Variants in NTNG2 observed in about 807,000 individuals in gnomAD.
NTNG2 encodes netrin G2, also known as netrin-G2.
In NTNG2, 15 loss-of-function variants were observed where a neutral mutation model predicts 47.6. That is an observed-to-expected ratio of 0.32 (90% CI 0.21 to 0.49). NTNG2 has a LOEUF of 0.49. Among genes scored for constraint, NTNG2 ranks in the 20% least tolerant of loss-of-function variants. NTNG2 has a pLI of 0.99. For synonymous variants in NTNG2, 307 were observed against 324.6 expected (o/e 0.95, Z 0.58); for missense variants, 578 against 764.6 (o/e 0.76, Z 2.88).
Position 132,243,415 on chromosome 9 carries a change from G to A in NTNG2, c.*1304G>A, listed in dbSNP as rs987395872. 1 of 152,414 alleles carries A rather than the reference G, an allele frequency of 6.6e-6. No homozygotes were observed. The highest frequency in any genetic ancestry group is 1.9e-4 in the East Asian group (1 of 5,184). The allele number at this position is 152,414 out of a possible 1,614,324, so 9.4% of individuals were successfully genotyped here. ...AGGAAGGGGTGCTGGAGGGGACAGG[G>A]GCAGCTTGGGAGTGGTGAGGAAGCT... On this transcript the variant is annotated 3_prime_UTR_variant, in exon 8 of 8. Transcript: ENST00000393229.
At chr9:132,189,064 C>CTTTTTTTTTTTTTTTTTTTTTTTTTT (rs1179386814) in intron 2 of NTNG2, among the ~76,000 whole-genome samples, 1 of 61,756 alleles carries the variant, frequency 1.6e-5, no homozygotes, top group African/African-American at 8.6e-5. Context: ...GGCTTTAAGC[C>CTTTTTTTTTTTTTTTTTTTTTTTTTT]TTTCTTTTTT....
chr9:132,241,707 C>T (rs1841997192), intron 7 of NTNG2, among the ~76,000 whole-genome samples, 169 bp from the exon 8 acceptor site: 1 of 152,070 alleles, frequency 6.6e-6, no homozygotes, highest in Non-Finnish European at 1.5e-5. Context: ...CTCGCCCGGG[C>T]GCCGTCACCC....
At chr9:132,224,790 G>A (rs1171260947) in intron 3 of NTNG2, among the ~76,000 whole-genome samples, 1 of 152,124 alleles carries the variant, frequency 6.6e-6, no homozygotes. Context: ...AAAGAAGATG[G>A]TGTCTGCCAT....
At chr9:132,201,809 T>C (rs532625554) in intron 3 of NTNG2, among the ~76,000 whole-genome samples, 2 of 152,234 alleles carry the variant, frequency 1.3e-5, no homozygotes, top group African/African-American at 4.8e-5. Context: ...GGTTATTGAA[T>C]GGCTCAGATC....
rs1374323933 is a variant in NTNG2, at chr9:132,240,986, G to A, written c.1299G>A (p.Ala433=). The A allele has an allele frequency of 1.9e-6, 3 of 1,611,018 alleles. No homozygotes were observed. The highest frequency in any genetic ancestry group is 3.3e-5 in the Admixed American group (2 of 59,958). ...GCTTCTGCGAGTGCCGCGAGGGCGC[G>A]GCGGGCCCCAAGTGCGACGACTGCC... ...ETGFCECREG[A]AGPKCDDCLP... is the part of the protein sequence containing the mutation. The change falls in exon 7 of 8, where the codon GCG becomes GCA. Residue 433 remains alanine, a synonymous_variant. Coordinates refer to ENST00000393229, the MANE Select transcript of NTNG2 (RefSeq NM_032536.4).
chr9:132,206,561 G>A (rs1386140213), intron 3 of NTNG2, among the ~76,000 whole-genome samples: 1 of 152,204 alleles, frequency 6.6e-6, no homozygotes, highest in Non-Finnish European at 1.5e-5. Context: ...CAGCTACTCG[G>A]GAGGCTGAGG....
At chr9:132,238,161 C>T (rs919467044) in intron 5 of NTNG2, among the ~76,000 whole-genome samples, 2 of 152,076 alleles carry the variant, frequency 1.3e-5, no homozygotes, top group African/African-American at 4.8e-5. Context: ...TGGGTGAGTA[C>T]TGTGTCCCTT....
chr9:132,209,853 G>GA (rs1359821243), intron 3 of NTNG2, among the ~76,000 whole-genome samples: 4 of 151,226 alleles, frequency 2.6e-5, no homozygotes, highest in Non-Finnish European at 5.9e-5. Flanking sequence ...TGAAAGGCGG[G>GA]AGGCGCGGCA....
rs141080327 is a variant in NTNG2, at chr9:132,177,652, T to G, written c.213+10608T>G. On this transcript the variant is annotated intron_variant, in intron 2 of 7. Transcript: ENST00000393229. ...TGGACTCTCAAATCTCTGGGTTTTT[T>G]TGTTTGTTTGTTTGTTTGTTTTGGA... Among the ~76,000 whole-genome samples, 320 of 152,208 alleles carry G rather than the reference T, an allele frequency of 2.1e-3. 4 individuals carry two copies. Among genetic ancestry groups the G allele is most frequent in the African/African-American group, 7.1e-3 (295 of 41,530 alleles).
intron 2 of NTNG2, among the ~76,000 whole-genome samples, chr9:132,174,935 G>GT (rs1836313143): frequency 6.7e-6 from 1 of 148,968 alleles, no homozygotes; most frequent in Admixed American, 6.6e-5. Context: ...AAAAAAAAGT[G>GT]TATTTTTATT....
rs1840357929 is a variant in NTNG2, at chr9:132,221,649, G to C, written c.858-5200G>C. Among the ~76,000 whole-genome samples the C allele has an allele frequency of 6.6e-6, 1 of 152,168 alleles. No individual in the cohort carries two copies. Among genetic ancestry groups the C allele is most frequent in the Non-Finnish European group, 1.5e-5 (1 of 68,030 alleles). ...TGAAGAGGCCGGGACATCTTCTCCT[G>C]TTCCCGAGGAAGACAGGACTGATAG... On this transcript the variant is annotated intron_variant, in intron 3 of 7. Coordinates refer to ENST00000393229, the MANE Select transcript of NTNG2 (RefSeq NM_032536.4). This position sits in a 1 kb window ranked among gnomAD's most constrained non-coding sequence, Gnocchi z 4.2.
intron 7 of NTNG2, chr9:132,241,299 G>A (rs1841970565): frequency 1.8e-6 from 1 of 549,938 alleles, no homozygotes; most frequent in Non-Finnish European, 3.2e-6. Flanking sequence ...GTTGGCAGGG[G>A]CCTGGTGAGA....
intron 2 of NTNG2, among the ~76,000 whole-genome samples, chr9:132,168,454 G>C (rs1390316482): frequency 1.3e-5 from 2 of 152,210 alleles, no homozygotes. Context: ...CACATCACAG[G>C]GCAGTCAGCC....
rs1290533179 is a variant in NTNG2, at chr9:132,218,426, G to A, written c.858-8423G>A. Among the ~76,000 whole-genome samples the A allele has an allele frequency of 3.9e-5, 6 of 152,230 alleles. No homozygotes were observed. Among genetic ancestry groups the A allele is most frequent in the African/African-American group, 7.2e-5 (3 of 41,462 alleles). ...TTCCTCATGCAAAGTGAGCACTCAC[G>A]CATCAGCTGTCTACCCAGGAGACTT... On this transcript the variant is annotated intron_variant, in intron 3 of 7. Coordinates refer to ENST00000393229, the MANE Select transcript of NTNG2 (RefSeq NM_032536.4). This position sits in a 1 kb window ranked among gnomAD's most constrained non-coding sequence, Gnocchi z 5.4.
chr9:132,178,502 C>T (rs1836655430), intron 2 of NTNG2, among the ~76,000 whole-genome samples: 1 of 152,118 alleles, frequency 6.6e-6, no homozygotes, highest in South Asian at 2.1e-4. Flanking sequence ...ACCCCAATGT[C>T]GATAAGCATG....
chr9:132,197,980 A>G lies in NTNG2; in HGVS notation c.228A>G (p.Leu76=). The change falls in exon 3 of 8, where the codon CTA becomes CTG. Residue 76 remains leucine, a synonymous_variant. Coordinates refer to ENST00000393229, the MANE Select transcript of NTNG2 (RefSeq NM_032536.4). This position sits in a 1 kb window ranked among gnomAD's most constrained non-coding sequence, Gnocchi z 4.3. ...CCCCGCTGCAGGAGAATCCCTACCT[A>G]TGCAGCAACGAGTGTGACGCCTCCA... is the stretch of plus-strand genomic sequence containing the variant. ...ERFCSHENPY[L]CSNECDASNP... is the part of the protein sequence containing the mutation. 6.2e-7 allele frequency: 1 copy of G among 1,612,266 alleles called. No individual in the cohort carries two copies. Among genetic ancestry groups the G allele is most frequent in the Non-Finnish European group, 8.5e-7 (1 of 1,179,600 alleles).
In NTNG2 at chr9:132,198,166, G is replaced by A. The variant is rs776220975; in HGVS notation, c.414G>A (p.Val138=). 1 of 1,613,688 alleles carries A rather than the reference G, an allele frequency of 6.2e-7. No individual in the cohort carries two copies. The highest frequency in any genetic ancestry group is 1.1e-5 in the South Asian group (1 of 91,086). The stretch of plus-strand genomic sequence containing the variant: ...CCGTGGAGCTGACCGACGACGTGGT[G>A]ATGACCTTCGAGTACGGCCGGCCCA... ...NKTVELTDDV[V]MTFEYGRPTV... is the part of the protein sequence containing the mutation. The change falls in exon 3 of 8, where the codon GTG becomes GTA. Residue 138 remains valine (V), a synonymous_variant. Coordinates refer to ENST00000393229, the MANE Select transcript of NTNG2 (RefSeq NM_032536.4).
In NTNG2 at chr9:132,198,040, C is replaced by T. The variant is rs749965612; in HGVS notation, c.288C>T (p.Phe96=). 3.8e-5 allele frequency: 62 copies of T among 1,613,528 alleles called. No individual in the cohort carries two copies. Among genetic ancestry groups the T allele is most frequent in the Non-Finnish European group, 4.7e-5 (55 of 1,179,988 alleles). Residue 96 remains phenylalanine (F), a synonymous_variant, in exon 3 of 8, where the codon TTC becomes TTT. Coordinates refer to ENST00000393229, the MANE Select transcript of NTNG2 (RefSeq NM_032536.4). Reference sequence around the variant, plus strand: ...TGGCCCACCCGCCCAGGCTCATGTTCGACAAGGAGGAGGAGGGCCTGGCCA... The same window carrying T: ...TGGCCCACCCGCCCAGGCTCATGTTTGACAAGGAGGAGGAGGGCCTGGCCA... ...PDLAHPPRLM[F]DKEEEGLATY...
rs1466758361 is a variant in NTNG2, at chr9:132,226,135, C to G, written c.858-714C>G. ...GGACTGCAAATTCTCTCGTGAAATG[C>G]TTCTATAAAAAGAAGCTTCCCCTCA... On this transcript the variant is annotated intron_variant, in intron 3 of 7. Coordinates refer to ENST00000393229, the MANE Select transcript of NTNG2 (RefSeq NM_032536.4). This position sits in a 1 kb window ranked among gnomAD's most constrained non-coding sequence, Gnocchi z 4.8. 6.6e-6 allele frequency among the ~76,000 whole-genome samples: 1 copy of G among 152,190 alleles called. No homozygotes were observed. Among genetic ancestry groups the G allele is most frequent in the East Asian group, 1.9e-4 (1 of 5,202 alleles).
Sources: allele counts gnomAD v4.1 joint callset (sites outside exome capture counted in the v4.1 genomes callset), GRCh38; gene constraint gnomAD v4.1.1; non-coding constraint Gnocchi (gnomAD v3.1); transcripts MANE v1.5; gene names NCBI Gene and HGNC (gene_info 2026-07-23, HGNC 2026-07-21).